Variants in STK32B observed in about 807,000 individuals in gnomAD.
STK32B encodes the protein serine/threonine-protein kinase 32B.
A neutral mutation model predicts 52.6 loss-of-function variants in STK32B; 43 were observed. That is an observed-to-expected ratio of 0.82 (90% CI 0.64 to 1.05). The LOEUF (loss-of-function observed/expected upper bound fraction) is 1.05, where lower values mean the gene tolerates loss of function less well. Ranked by LOEUF, STK32B falls within the 50% of genes least tolerant of loss-of-function variation. STK32B has a pLI of 0.00. For missense variants in STK32B, 621 were observed against 534.6 expected, an observed-to-expected ratio of 1.16 and a Z score of -1.59; for synonymous variants, 238 against 204.3, an observed-to-expected ratio of 1.17 and a Z score of -1.41.
At chr4:5,494,439 TCCATC>T (rs1315878859) in intron 11 of STK32B, among the ~76,000 whole-genome samples, 1 of 151,842 alleles carries the variant, frequency 6.6e-6, no homozygotes, top group Non-Finnish European at 1.5e-5. Context: ...TAGATTTTCC[TCCATC>T]CCTTTATTTT....
chr4:5,104,630 A>G (rs965449785), intron 1 of STK32B, among the ~76,000 whole-genome samples: 1 of 152,242 alleles, frequency 6.6e-6, no homozygotes, highest in African/African-American at 2.4e-5. Context: ...TCAGCAGCCA[A>G]TCAAAGTACA....
At chr4:5,032,104 C>T in the STK32B span, among the ~76,000 whole-genome samples, 6 of 151,220 alleles carry the variant, frequency 4.0e-5, no homozygotes, top group East Asian at 7.8e-4. Flanking sequence ...GCATATACAA[C>T]GATATATAGG....
At chr4:5,498,882 C>T in intron 11 of STK32B, 63 bp from the exon 12 acceptor site, 1 of 1,533,118 alleles carries the variant, frequency 6.5e-7, no homozygotes, top group African/African-American at 1.4e-5. Flanking sequence ...CCCAGTGTGT[C>T]TCCTGGATGT....
intron 1 of STK32B, among the ~76,000 whole-genome samples, chr4:5,118,849 C>T (rs1441335968): frequency 6.6e-6 from 1 of 152,298 alleles, no homozygotes; most frequent in African/African-American, 2.4e-5. Context: ...AGGGTGACTT[C>T]ACACACATTT....
chr4:5,121,850 G>A (rs1715041725), intron 1 of STK32B, among the ~76,000 whole-genome samples: 1 of 152,150 alleles, frequency 6.6e-6, no homozygotes, highest in Admixed American at 6.5e-5. Context: ...ATCCTGTTCA[G>A]GAGACTTGTC....
chr4:5,227,269 T>C (rs923120597), intron 3 of STK32B, among the ~76,000 whole-genome samples: 1 of 152,222 alleles, frequency 6.6e-6, no homozygotes, highest in African/African-American at 2.4e-5. Flanking sequence ...GATTTCATTC[T>C]CTCTCACGTT....
intron 7 of STK32B, among the ~76,000 whole-genome samples, chr4:5,450,404 T>C (rs1715876143): frequency 1.3e-5 from 2 of 152,200 alleles, no homozygotes; most frequent in South Asian, 4.1e-4. Flanking sequence ...TCAAAGTCTC[T>C]CTGACAGGTG....
In STK32B at chr4:5,380,068, G is replaced by T. The variant is rs1395952830; in HGVS notation, c.435-18139G>T. On this transcript the variant is annotated intron_variant, in intron 4 of 11. Coordinates refer to ENST00000282908, the MANE Select transcript of STK32B (RefSeq NM_018401.3). This position sits in a 1 kb window ranked among gnomAD's most constrained non-coding sequence, Gnocchi z 4.3. ...ACCACTGCCTCGATCACGGGGCTATGCTCACTGTGCAGAGCATCTCCCCAG... is the reference window on the plus strand; with the variant it reads ...ACCACTGCCTCGATCACGGGGCTATTCTCACTGTGCAGAGCATCTCCCCAG... Among the ~76,000 whole-genome samples the T allele has an allele frequency of 6.6e-6, 1 of 152,144 alleles. No individual in the cohort carries two copies. Among genetic ancestry groups the T allele is most frequent in the South Asian group, 2.1e-4 (1 of 4,830 alleles).
chr4:5,100,313 C>T (rs1282640769), intron 1 of STK32B, among the ~76,000 whole-genome samples: 1 of 151,234 alleles, frequency 6.6e-6, no homozygotes, highest in African/African-American at 2.4e-5. Flanking sequence ...CAAGGTTACC[C>T]CTCCCTCCCT....
intron 3 of STK32B, among the ~76,000 whole-genome samples, chr4:5,253,930 A>C (rs1053937540): frequency 5.9e-5 from 9 of 152,104 alleles, no homozygotes; most frequent in African/African-American, 2.2e-4. Flanking sequence ...TGCTCAAAAA[A>C]TTATAGCCAC....
At chr4:5,071,641 A>T (rs1235349452) in intron 1 of STK32B, among the ~76,000 whole-genome samples, 1 of 152,212 alleles carries the variant, frequency 6.6e-6, no homozygotes. Context: ...TAATTATGCC[A>T]TCAATCTTCC....
chr4:5,234,059 C>G (rs1479471804), intron 3 of STK32B, among the ~76,000 whole-genome samples: 1 of 151,988 alleles, frequency 6.6e-6, no homozygotes, highest in East Asian at 1.9e-4. Flanking sequence ...CTTAGCTGAC[C>G]TCATGTGATC....
At chr4:5,197,730 A>C (rs1165846174) in intron 3 of STK32B, among the ~76,000 whole-genome samples, 1 of 152,206 alleles carries the variant, frequency 6.6e-6, no homozygotes, top group Non-Finnish European at 1.5e-5. Context: ...TTTGGATGCT[A>C]TCCTTTTATT....
intron 1 of STK32B, among the ~76,000 whole-genome samples, chr4:5,124,279 G>T (rs892365126): frequency 1.3e-5 from 2 of 152,110 alleles, no homozygotes; most frequent in African/African-American, 2.4e-5. Context: ...GGTTTCACTG[G>T]GTTGCTGAGA....
chr4:5,019,417 AG>A, the STK32B span: 1 of 1,485,284 alleles, frequency 6.7e-7, no homozygotes, highest in Non-Finnish European at 8.9e-7. Flanking sequence ...GAGCAGCAGC[AG>A]CACGGGCAGA....
chr4:5,361,282 A>G (rs761025863), intron 4 of STK32B, among the ~76,000 whole-genome samples: 3 of 152,220 alleles, frequency 2.0e-5, no homozygotes, highest in Non-Finnish European at 4.4e-5. Flanking sequence ...GTAAACTTAA[A>G]TGTACAGATA....
intron 3 of STK32B, among the ~76,000 whole-genome samples, chr4:5,259,186 A>G (rs910107752): frequency 2.0e-5 from 3 of 152,210 alleles, no homozygotes; most frequent in African/African-American, 7.2e-5. Flanking sequence ...CTATAGCAAG[A>G]ATCAACATTA....
chr4:5,115,808 C>G (rs184201605), intron 1 of STK32B, among the ~76,000 whole-genome samples: 5 of 152,240 alleles, frequency 3.3e-5, no homozygotes. Flanking sequence ...CCATGAAGGT[C>G]AGATAAAGGT....
chr4:5,095,679 G>A (rs1285472843), intron 1 of STK32B, among the ~76,000 whole-genome samples: 2 of 152,092 alleles, frequency 1.3e-5, no homozygotes, highest in South Asian at 2.1e-4. Context: ...ATCTCTTCTG[G>A]GTTCCAGACC....
Sources: gnomAD v4.1 joint callset for allele counts (sites outside exome capture counted in the v4.1 genomes callset) on GRCh38, gnomAD v4.1.1 for gene constraint, Gnocchi (gnomAD v3.1) non-coding constraint, MANE v1.5 for transcripts, NCBI Gene and HGNC (gene_info 2026-07-23, HGNC 2026-07-21) for gene names.